The following EML6 variants were observed in gnomAD, a reference collection of about 807,000 sequenced individuals.
The protein encoded by EML6 is EMAP like 6, also known as echinoderm microtubule-associated protein-like 6.
In EML6, 154 loss-of-function variants were observed where a neutral mutation model predicts 240.1. The ratio of observed to expected loss-of-function variants is 0.64; its 90% CI spans 0.56 to 0.73. The LOEUF (loss-of-function observed/expected upper bound fraction) is 0.73, where lower values mean the gene tolerates loss of function less well. Among genes scored for constraint, EML6 ranks in the 30% least tolerant of loss-of-function variants. The probability of loss-of-function intolerance (pLI) is 0.00; values close to 1 mark genes in which losing one functional copy is unlikely to be tolerated. For synonymous variants in EML6, 1,148 were observed against 899.0 expected (o/e 1.28, Z -4.95); for missense variants, 2,964 against 2,474.6 (o/e 1.20, Z -4.20).
chr2:54,772,127 T>C (rs1668427817), intron 2 of EML6, among the ~76,000 whole-genome samples: 1 of 152,238 alleles, frequency 6.6e-6, no homozygotes, highest in African/African-American at 2.4e-5. Context: ...ATTTATTAAA[T>C]TGTTGCAATT....
intron 18 of EML6, among the ~76,000 whole-genome samples, chr2:54,891,509 T>G (rs1672466186): frequency 6.6e-6 from 1 of 152,234 alleles, no homozygotes; most frequent in South Asian, 2.1e-4. Context: ...GGATGGTTCC[T>G]TTATTTATCT....
intron 28 of EML6, among the ~76,000 whole-genome samples, 172 bp from the exon 29 acceptor site, chr2:54,948,710 C>T (rs960737392): frequency 9.9e-5 from 15 of 152,048 alleles, no homozygotes; most frequent in Admixed American, 2.6e-4. Flanking sequence ...GGCTGGGTCC[C>T]GTGGCAGGCG....
chr2:54,970,209 C>T lies in EML6; in HGVS notation c.*114C>T. 2 of 1,016,272 alleles carry T rather than the reference C, an allele frequency of 2.0e-6. No individual in the cohort carries two copies. The highest frequency in any genetic ancestry group is 3.0e-6 in the Non-Finnish European group (2 of 663,168). The allele number at this position is 1,016,272 out of a possible 1,614,324, so 63.0% of individuals were successfully genotyped here. A position where few individuals can be genotyped will look rare whatever the true frequency, so the allele number is the denominator to read the frequency against. On this transcript the variant is annotated 3_prime_UTR_variant, in exon 42 of 42. Coordinates refer to ENST00000356458, the MANE Select transcript of EML6 (RefSeq NM_001039753.4). ...GTTGGGAAATGCCTACCATGCTGCCCCGGATGCACAAGCTCAAAACGCTGC... is the reference window on the plus strand; with the variant it reads ...GTTGGGAAATGCCTACCATGCTGCCTCGGATGCACAAGCTCAAAACGCTGC...
chr2:54,738,849 G>A (rs762925815), intron 2 of EML6, among the ~76,000 whole-genome samples: 19 of 152,208 alleles, frequency 1.2e-4, no homozygotes, highest in Non-Finnish European at 2.4e-4. Flanking sequence ...AAGCATTCTA[G>A]CACAAGTGAA....
intron 17 of EML6, among the ~76,000 whole-genome samples, chr2:54,884,840 A>G (rs1672035546): frequency 1.3e-5 from 2 of 152,304 alleles, no homozygotes; most frequent in East Asian, 1.9e-4. Context: ...TCTAAAGTAT[A>G]TATTAATGAT....
chr2:54,772,094 A>C (rs965418724), intron 2 of EML6, among the ~76,000 whole-genome samples: 3 of 152,244 alleles, frequency 2.0e-5, no homozygotes, highest in African/African-American at 7.2e-5. Flanking sequence ...AGCAGTTTTC[A>C]TGAATCCCGT....
chr2:54,847,444 G>A (rs1183680090), intron 8 of EML6, 42 bp from the exon 9 acceptor site: 1 of 1,541,176 alleles, frequency 6.5e-7, no homozygotes, highest in Non-Finnish European at 8.8e-7. Flanking sequence ...ATGACCATGG[G>A]AAGTTGGTTT....
intron 12 of EML6, among the ~76,000 whole-genome samples, chr2:54,862,545 A>G (rs1287883721): frequency 6.6e-6 from 1 of 152,018 alleles, no homozygotes; most frequent in Non-Finnish European, 1.5e-5. Context: ...GTGGTCCAAC[A>G]ACTTACGTGT....
intron 28 of EML6, among the ~76,000 whole-genome samples, chr2:54,942,434 C>A (rs1309333298): frequency 6.6e-6 from 1 of 152,204 alleles, no homozygotes; most frequent in Non-Finnish European, 1.5e-5. Flanking sequence ...CTCACAGATT[C>A]TCCATCTGGG....
intron 26 of EML6, 65 bp from the exon 27 acceptor site, chr2:54,928,247 TG>T: frequency 8.1e-7 from 1 of 1,242,012 alleles, no homozygotes; most frequent in Non-Finnish European, 1.2e-6. Flanking sequence ...GAAACTAACA[TG>T]GATAAACGAG....
intron 2 of EML6, among the ~76,000 whole-genome samples, chr2:54,778,611 G>A (rs952642451): frequency 1.3e-5 from 2 of 152,040 alleles, no homozygotes; most frequent in Admixed American, 6.6e-5. Flanking sequence ...TTGTTAGGCC[G>A]GGCGCAGTAG....
In EML6 at chr2:54,964,065, G is replaced by A; in HGVS notation, c.5237G>A (p.Gly1746Asp). 1 of 1,551,776 alleles carries A rather than the reference G, an allele frequency of 6.4e-7. No individual in the cohort carries two copies. Residue 1746 changes from glycine (G) to aspartate (D), a missense_variant, in exon 37 of 42, where the codon GGC becomes GAC. By Grantham distance (94) the Gly-to-Asp change is moderately conservative. Transcript: ENST00000356458. Reference sequence around the variant, plus strand: ...CCTGATGGGGAGATGGTGGCCATTGGCATGAAGAATGGAGAGTTTGTCATC... The same window carrying A: ...CCTGATGGGGAGATGGTGGCCATTGACATGAAGAATGGAGAGTTTGTCATC... ...YSPDGEMVAI[G>D]MKNGEFVILL...
At chr2:54,743,890 T>C (rs1218002225) in intron 2 of EML6, among the ~76,000 whole-genome samples, 1 of 152,194 alleles carries the variant, frequency 6.6e-6, no homozygotes, top group Non-Finnish European at 1.5e-5. Flanking sequence ...CACATATCTT[T>C]GAAAACCCCT....
At chr2:54,739,299 G>A (rs909640633) in intron 2 of EML6, among the ~76,000 whole-genome samples, 1 of 152,192 alleles carries the variant, frequency 6.6e-6, no homozygotes, top group East Asian at 1.9e-4. Flanking sequence ...TGCAACAAAT[G>A]TAATGTGATA....
chr2:54,767,008 AATATCACT>A (rs1439173501), intron 2 of EML6, among the ~76,000 whole-genome samples: 1 of 152,206 alleles, frequency 6.6e-6, no homozygotes, highest in African/African-American at 2.4e-5. Flanking sequence ...AAGTATATTA[AATATCACT>A]AGCAGAATAG....
chr2:54,883,527 T>A (rs1671953536), intron 17 of EML6, among the ~76,000 whole-genome samples: 1 of 152,190 alleles, frequency 6.6e-6, no homozygotes, highest in Non-Finnish European at 1.5e-5. Context: ...AGTGTGCAGT[T>A]GCCCTTGGCC....
At chr2:54,882,909 G>A (rs1179227842) in intron 17 of EML6, 1 of 143,640 alleles carries the variant, frequency 7.0e-6, no homozygotes, top group South Asian at 2.2e-4. Flanking sequence ...TATGCATATG[G>A]CAGGCGTATC....
At chr2:54,870,524 A>G (rs1287369880) in intron 15 of EML6, among the ~76,000 whole-genome samples, 1 of 152,208 alleles carries the variant, frequency 6.6e-6, no homozygotes, top group Non-Finnish European at 1.5e-5. Context: ...TGTCCCTCCA[A>G]CTGAAAATTA....
chr2:54,950,924 G>T lies in EML6; in HGVS notation c.4213+145G>T. 2 of 892,608 alleles carry T rather than the reference G, an allele frequency of 2.2e-6. 1 individual carries two copies. The highest frequency in any genetic ancestry group is 3.3e-6 in the Non-Finnish European group (2 of 604,006). The allele number at this position is 892,608 out of a possible 1,614,324, so 55.3% of individuals were successfully genotyped here. A position where few individuals can be genotyped will look rare whatever the true frequency, so the allele number is the denominator to read the frequency against. On this transcript the variant is annotated intron_variant, in intron 30 of 41. Coordinates refer to ENST00000356458, the MANE Select transcript of EML6 (RefSeq NM_001039753.4). The stretch of plus-strand genomic sequence containing the variant: ...TTCCAGCATGGTCTCAGTTAGGCCT[G>T]GTAACGCTCAGGTTCAGTTACCAGA...
Sources: gnomAD v4.1 joint callset for allele counts (sites outside exome capture counted in the v4.1 genomes callset) on GRCh38, gnomAD v4.1.1 for gene constraint, MANE v1.5 for transcripts, NCBI Gene and HGNC (gene_info 2026-07-23, HGNC 2026-07-21) for gene names.